The following PAK5 variants were observed in gnomAD, a reference collection of about 807,000 sequenced individuals.
PAK5 encodes p21 (RAC1) activated kinase 5.
A neutral mutation model predicts 65.9 loss-of-function variants in PAK5; 16 were observed. The observed-to-expected ratio is 0.24, with a 90% CI of 0.16 to 0.37. The LOEUF (loss-of-function observed/expected upper bound fraction) is 0.37. Among genes scored for constraint, PAK5 ranks in the 10% least tolerant of loss-of-function variants. The pLI is 1.00. For missense variants in PAK5, 785 were observed against 903.9 expected (o/e 0.87, Z 1.69); for synonymous variants, 371 against 354.9 (o/e 1.05, Z -0.51).
At chr20:9,645,867 T>A (rs968083198) in intron 2 of PAK5, among the ~76,000 whole-genome samples, 4 of 152,222 alleles carry the variant, frequency 2.6e-5, no homozygotes, top group Non-Finnish European at 5.9e-5. Flanking sequence ...ATTACAGGCA[T>A]GAGCCACTGC....
At chr20:9,702,513 T>C (rs2047952671) in intron 2 of PAK5, among the ~76,000 whole-genome samples, 1 of 152,142 alleles carries the variant, frequency 6.6e-6, no homozygotes, top group Admixed American at 6.6e-5. Flanking sequence ...GTGTAAAATG[T>C]ACAAAAAATT....
At chr20:9,686,092 CT>C (rs1226444007) in intron 2 of PAK5, among the ~76,000 whole-genome samples, 1 of 152,194 alleles carries the variant, frequency 6.6e-6, no homozygotes, top group Non-Finnish European at 1.5e-5. Context: ...CAAAAAAAGG[CT>C]TTCTAAATTC....
chr20:9,648,674 A>T (rs1055038747), intron 2 of PAK5, among the ~76,000 whole-genome samples: 2 of 152,166 alleles, frequency 1.3e-5, no homozygotes, highest in Admixed American at 6.5e-5. Context: ...TCGCCCTTTC[A>T]TAGAAGAGGA....
Position 9,580,606 on chromosome 20 carries a change from G to T in PAK5, c.529C>A (p.His177Asn), listed in dbSNP as rs2045961738. The T allele has an allele frequency of 6.2e-7, 1 of 1,613,896 alleles. No individual in the cohort carries two copies. The highest frequency in any genetic ancestry group is 1.3e-5 in the African/African-American group (1 of 74,888). The change falls in exon 4 of 10, where the codon CAC becomes AAC. Residue 177 changes from histidine to asparagine, a missense_variant. This residue lies in a region of PAK5 where 422 missense variants were observed against 413.3 expected (regional missense o/e 1.02). Coordinates refer to ENST00000353224, the MANE Select transcript of PAK5 (RefSeq NM_177990.4). ...ACCTCAGAATAGTAGGCCTCCCCGTGCTTCATTTTCATTACGTGCCCATTT... is the reference window on the plus strand; with the variant it reads ...ACCTCAGAATAGTAGGCCTCCCCGTTCTTCATTTTCATTACGTGCCCATTT... ...KQNGHVMKMKHGEAYYSEVKP... is the reference protein window; with the variant it reads ...KQNGHVMKMKNGEAYYSEVKP...
intron 1 of PAK5, among the ~76,000 whole-genome samples, chr20:9,799,612 T>A (rs1022961990): frequency 4.6e-5 from 7 of 152,062 alleles, no homozygotes; most frequent in African/African-American, 1.7e-4. Context: ...AGATTTATAA[T>A]CTAAAATTCT....
chr20:9,811,528 C>T (rs2049298125), intron 1 of PAK5, among the ~76,000 whole-genome samples: 1 of 152,152 alleles, frequency 6.6e-6, no homozygotes, highest in African/African-American at 2.4e-5. Context: ...TGACCAGAGG[C>T]CAACTACTTT....
intron 2 of PAK5, among the ~76,000 whole-genome samples, chr20:9,653,608 C>T (rs2047228429): frequency 6.6e-6 from 1 of 152,218 alleles, no homozygotes; most frequent in Non-Finnish European, 1.5e-5. Flanking sequence ...ATTCAATCAT[C>T]ATCAATTCCT....
intron 2 of PAK5, among the ~76,000 whole-genome samples, chr20:9,665,083 C>CTTTTTTTTTTTTTTTTTT (rs1555910631): frequency 9.4e-5 from 4 of 42,584 alleles, no homozygotes; most frequent in African/African-American, 4.5e-4. Context: ...CTAAATTTTT[C>CTTTTTTTTTTTTTTTTTT]TGTTTTTTTT....
intron 2 of PAK5, among the ~76,000 whole-genome samples, chr20:9,685,581 C>G (rs931715208): frequency 6.6e-6 from 1 of 152,126 alleles, no homozygotes; most frequent in Admixed American, 6.5e-5. Context: ...CTTGCTGACA[C>G]CTTGATCTTG....
At chr20:9,823,116 G>T (rs2049442460) in intron 1 of PAK5, among the ~76,000 whole-genome samples, 1 of 152,126 alleles carries the variant, frequency 6.6e-6, no homozygotes, top group African/African-American at 2.4e-5. Context: ...AAAGCTTAAG[G>T]AAGCAAGTTT....
Position 9,766,430 on chromosome 20 carries a change from CAAGCAGAATA to C in PAK5, c.-161-55005_-161-54996del, listed in dbSNP as rs1328438170. Reference sequence around the variant, plus strand: ...CAGAATATATATGTATATATATATTCAAGCAGAATATATATGTATATATATATTCAAGCAG... The same window carrying C: ...CAGAATATATATGTATATATATATTCTATATGTATATATATATTCAAGCAG... On this transcript the variant is annotated intron_variant, in intron 1 of 9. Transcript: ENST00000353224. 4.2e-4 allele frequency among the ~76,000 whole-genome samples: 20 copies of C among 47,450 alleles called. 3 individuals carry two copies. The highest frequency in any genetic ancestry group is 2.1e-3 in the African/African-American group (15 of 6,990). The allele number at this position is 47,450 out of a possible 152,430, so 31.1% of individuals were successfully genotyped here.
rs747179977 is a variant in PAK5 at position 9,686,839 on chromosome 20, C to T, written c.-12+24447G>A. 7.2e-5 allele frequency among the ~76,000 whole-genome samples: 11 copies of T among 151,942 alleles called. No homozygotes were observed. The East Asian group carries it at 1.3e-3, about 19-fold the overall frequency. ...CTCATGCAGATCCTGAGGCAAGCAT[C>T]GAGTATAAGGAGTTTATTTGGGAAG... On this transcript the variant is annotated intron_variant, in intron 2 of 9. Transcript: ENST00000353224.
At chr20:9,618,920 T>G (rs2046717712) in intron 3 of PAK5, among the ~76,000 whole-genome samples, 3 of 89,602 alleles carry the variant, frequency 3.3e-5, no homozygotes, top group Admixed American at 1.1e-4. Flanking sequence ...CTTTCGTTTT[T>G]TTTTTTTTTT....
intron 2 of PAK5, among the ~76,000 whole-genome samples, chr20:9,648,754 T>A (rs2047167143): frequency 6.6e-6 from 1 of 152,206 alleles, no homozygotes; most frequent in African/African-American, 2.4e-5. Flanking sequence ...CACAAGCTTT[T>A]AATCACTTGT....
At chr20:9,581,629 T>C (rs2045981746) in intron 3 of PAK5, among the ~76,000 whole-genome samples, 1 of 152,192 alleles carries the variant, frequency 6.6e-6, no homozygotes, top group Non-Finnish European at 1.5e-5. Context: ...CTGTGTAACA[T>C]CACCGCTGAA....
intron 3 of PAK5, among the ~76,000 whole-genome samples, chr20:9,628,438 A>C (rs1355583143): frequency 6.6e-6 from 1 of 152,242 alleles, no homozygotes; most frequent in African/African-American, 2.4e-5. Flanking sequence ...ATATAAGACT[A>C]TACTCTTCCA....
At chr20:9,625,546 T>C (rs1234836636) in intron 3 of PAK5, among the ~76,000 whole-genome samples, 1 of 152,208 alleles carries the variant, frequency 6.6e-6, no homozygotes, top group Non-Finnish European at 1.5e-5. Flanking sequence ...TTCACAATGA[T>C]TTTTATTTGT....
intron 3 of PAK5, among the ~76,000 whole-genome samples, chr20:9,637,750 A>G (rs1177347853): frequency 6.6e-6 from 1 of 152,220 alleles, no homozygotes; most frequent in Admixed American, 6.5e-5. Context: ...TAAAACTCAC[A>G]TATGCCGAAT....
chr20:9,575,419 C>A (rs1568973916), intron 4 of PAK5, among the ~76,000 whole-genome samples: 1 of 152,186 alleles, frequency 6.6e-6, no homozygotes, highest in South Asian at 2.1e-4. Flanking sequence ...CATACAGCTA[C>A]TAAGCGCTTG....
Sources: gnomAD v4.1 joint callset for allele counts (sites outside exome capture counted in the v4.1 genomes callset) on GRCh38, gnomAD v4.1.1 for gene constraint, gnomAD v4.1.1 regional missense constraint, MANE v1.5 for transcripts, NCBI Gene and HGNC (gene_info 2026-07-23, HGNC 2026-07-21) for gene names.